NAV1: variants seen among roughly 807,000 people sequenced by gnomAD.
NAV1 encodes the protein pore membrane and/or filament interacting like protein 3.
NAV1 carries 18 observed loss-of-function variants against 175.2 expected under a neutral mutation model. The ratio of observed to expected loss-of-function variants is 0.10; its 90% confidence interval spans 0.07 to 0.15. The LOEUF is 0.15. Ranked by LOEUF, NAV1 falls within the 10% of genes least tolerant of loss-of-function variation. The probability of loss-of-function intolerance (pLI) is 1.00; values close to 1 mark genes in which losing one functional copy is unlikely to be tolerated. For synonymous variants in NAV1, 897 were observed against 978.7 expected (o/e 0.92, Z 1.56); for missense variants, 1,731 against 2,436.6 (o/e 0.71, Z 6.10).
chr1:201,772,902 G>A (rs1373775011), intron 3 of NAV1, among the ~76,000 whole-genome samples: 4 of 152,108 alleles, frequency 2.6e-5, no homozygotes, highest in South Asian at 2.1e-4. Flanking sequence ...GCGTGGTGGC[G>A]GGTGCTTGTA....
In NAV1 at chr1:201,811,586, G is replaced by T; in HGVS notation, c.4798-17G>T. 6.2e-7 allele frequency: 1 copy of T among 1,614,028 alleles called. No homozygotes were observed. ...GCTTATTCCCAAGTGCTGACCCACA[G>T]CCTTCTTTTATTCCAGGATCTGCAA... is the stretch of plus-strand genomic sequence containing the variant. On this transcript the variant is annotated splice_polypyrimidine_tract_variant and intron_variant, in intron 24 of 29. Transcript: ENST00000367296.
chr1:201,714,664 G>A (rs540390282), intron 2 of NAV1, among the ~76,000 whole-genome samples: 94 of 152,246 alleles, frequency 6.2e-4, no homozygotes, highest in Non-Finnish European at 9.4e-4. Flanking sequence ...AGGACCCAGC[G>A]GATGAAATCT....
At chr1:201,657,526 A>C (rs959018623) in intron 1 of NAV1, among the ~76,000 whole-genome samples, 2 of 152,148 alleles carry the variant, frequency 1.3e-5, no homozygotes, top group Admixed American at 1.3e-4. Context: ...TCTTTGGAAC[A>C]AGACCTGATA....
At chr1:201,572,990 G>A (rs528033649) in intron 1 of NAV1, among the ~76,000 whole-genome samples, 3 of 145,516 alleles carry the variant, frequency 2.1e-5, no homozygotes, top group Admixed American at 2.0e-4. Context: ...CCTGAGCCCA[G>A]CAGCCCAAGG....
chr1:201,645,431 T>A (rs1668944857), upstream of NAV1, among the ~76,000 whole-genome samples: 1 of 146,958 alleles, frequency 6.8e-6, no homozygotes, highest in South Asian at 2.3e-4. Context: ...GGGATAGCAT[T>A]AGGAGATATA....
At chr1:201,804,131 A>C (rs1678125953) in intron 16 of NAV1, 1 of 448,994 alleles carries the variant, frequency 2.2e-6, no homozygotes, top group African/African-American at 2.0e-5. Flanking sequence ...ATTTTTGGGG[A>C]TGTTTTGTGG....
At chr1:201,545,761 G>T (rs57370366) in intron 1 of NAV1, among the ~76,000 whole-genome samples, 22 of 152,178 alleles carry the variant, frequency 1.4e-4, no homozygotes, top group Non-Finnish European at 2.9e-4. Flanking sequence ...TTTGTAGATT[G>T]CCCCTGAAAA....
rs539435527 is a variant in NAV1, at chr1:201,575,452, G to A, written c.-143-13087G>A. Among the ~76,000 whole-genome samples, 322 of 152,246 alleles carry A rather than the reference G, an allele frequency of 2.1e-3. 1 individual carries two copies. Among genetic ancestry groups the A allele is most frequent in the Middle Eastern group, 6.8e-3 (2 of 294 alleles). ...AGTATTTATTGACATCTATCTTTGG[G>A]AACACCTAAATTCACTGGAGTTGGC... On this transcript the variant is annotated intron_variant, in intron 1 of 33. Coordinates refer to the NAV1 transcript ENST00000685211.
chr1:201,780,669 C>T (rs1676266263), intron 4 of NAV1, 110 bp downstream of exon 8: 3 of 1,422,520 alleles, frequency 2.1e-6, no homozygotes, highest in African/African-American at 1.4e-5. Flanking sequence ...GGGATTGGTT[C>T]TCATAGGCCT....
At chr1:201,609,196 C>G (rs2102249419) in intron 2 of NAV1, among the ~76,000 whole-genome samples, 1 of 152,340 alleles carries the variant, frequency 6.6e-6, no homozygotes, top group South Asian at 2.1e-4. Flanking sequence ...CCAACCCTAC[C>G]CCTCACACAT....
At chr1:201,548,840 A>G (rs1665743859) in intron 1 of NAV1, among the ~76,000 whole-genome samples, 1 of 152,258 alleles carries the variant, frequency 6.6e-6, no homozygotes, top group Admixed American at 6.5e-5. Context: ...TGGTAATGAT[A>G]GATATTGTCT....
intron 1 of NAV1, among the ~76,000 whole-genome samples, chr1:201,682,553 A>G (rs1378518478): frequency 2.6e-5 from 4 of 152,128 alleles, no homozygotes; most frequent in Non-Finnish European, 4.4e-5. Context: ...TCTCCTTGGC[A>G]TACTCAAGGG....
At chr1:201,706,450 G>A (rs1671673292) in intron 1 of NAV1, among the ~76,000 whole-genome samples, 1 of 152,150 alleles carries the variant, frequency 6.6e-6, no homozygotes, top group South Asian at 2.1e-4. Flanking sequence ...ACAGCATGGA[G>A]TGCTGGTCTA....
chr1:201,580,372 A>G (rs1460548547), intron 1 of NAV1, among the ~76,000 whole-genome samples: 2 of 152,226 alleles, frequency 1.3e-5, no homozygotes, highest in African/African-American at 4.8e-5. Flanking sequence ...TTTTTCTTGA[A>G]CACCTGTTCT....
chr1:201,564,122 A>AGAAG (rs1246047644), intron 1 of NAV1, among the ~76,000 whole-genome samples: 14 of 119,410 alleles, frequency 1.2e-4, no homozygotes, highest in African/African-American at 6.2e-4. Flanking sequence ...AAGAAAGGAA[A>AGAAG]GAAGGAGGGA....
At chr1:201,743,482 T>C (rs1157946123) in intron 3 of NAV1, among the ~76,000 whole-genome samples, 1 of 152,206 alleles carries the variant, frequency 6.6e-6, no homozygotes, top group Admixed American at 6.5e-5. Context: ...TCAGTTTTCC[T>C]CTCTATAAAA....
chr1:201,580,608 G>A (rs1312179573), intron 1 of NAV1, among the ~76,000 whole-genome samples: 7 of 151,918 alleles, frequency 4.6e-5, no homozygotes, highest in Non-Finnish European at 8.8e-5. Flanking sequence ...CCCCGTCTCT[G>A]CTAAAAATAC....
chr1:201,763,654 G>GCT (rs1446046275), intron 3 of NAV1, among the ~76,000 whole-genome samples: 3 of 152,196 alleles, frequency 2.0e-5, no homozygotes, highest in Non-Finnish European at 2.9e-5. Context: ...TCAACTTTCT[G>GCT]CTCTTTCTTC....
intron 3 of NAV1, among the ~76,000 whole-genome samples, chr1:201,745,089 G>A (rs1356143200): frequency 6.6e-6 from 1 of 152,204 alleles, no homozygotes; most frequent in African/African-American, 2.4e-5. Flanking sequence ...TGTGTAGGAT[G>A]TGAGAATTCA....
Sources: allele counts gnomAD v4.1 joint callset (sites outside exome capture counted in the v4.1 genomes callset), GRCh38; gene constraint gnomAD v4.1.1; transcripts MANE v1.5; gene names NCBI Gene and HGNC (gene_info 2026-07-23, HGNC 2026-07-21).